The following MYT1L variants were observed in gnomAD, a reference collection of about 807,000 sequenced individuals.
The protein encoded by MYT1L is myelin transcription factor 1 like.
MYT1L carries 12 observed loss-of-function variants against 126.7 expected under a neutral mutation model. That is an observed-to-expected ratio of 0.09 (90% CI 0.06 to 0.15). The LOEUF is 0.15. Among genes scored for constraint, MYT1L ranks in the 10% least tolerant of loss-of-function variants. The pLI, the probability that MYT1L is intolerant of heterozygous loss-of-function variation, is 1.00. For missense variants in MYT1L, 979 were observed against 1,585.2 expected, an observed-to-expected ratio of 0.62 and a Z score of 6.49; for synonymous variants, 541 against 604.2, an observed-to-expected ratio of 0.90 and a Z score of 1.53.
At chr2:1,813,882 C>T (rs1264851732) in intron 21 of MYT1L, among the ~76,000 whole-genome samples, 1 of 106,626 alleles carries the variant, frequency 9.4e-6, no homozygotes, top group Non-Finnish European at 2.0e-5. Context: ...AAAAAATTAG[C>T]CGGGCGTGGT....
intron 14 of MYT1L, among the ~76,000 whole-genome samples, chr2:1,901,273 A>T (rs1341536894): frequency 6.6e-6 from 1 of 152,212 alleles, no homozygotes; most frequent in Non-Finnish European, 1.5e-5. Flanking sequence ...AGAACAACAA[A>T]AAAACAGGTG....
Position 1,903,234 on chromosome 2 carries a change from G to A in MYT1L, c.1878C>T (p.Pro626=). ...IPQYGYRNNV[P]TTTPRSNLAK... ...CCAGGTTGGAACGCGGCGTAGTTGTGGGGACATTGTTTCTGTAGCCATACT... is the reference window on the plus strand; with the variant it reads ...CCAGGTTGGAACGCGGCGTAGTTGTAGGGACATTGTTTCTGTAGCCATACT... Residue 626 remains proline, a synonymous_variant, in exon 14 of 25, where the codon CCC becomes CCT. Transcript: ENST00000647738. 6.2e-7 allele frequency: 1 copy of A among 1,613,906 alleles called. No homozygotes were observed. The highest frequency in any genetic ancestry group is 2.2e-5 in the East Asian group (1 of 44,880).
rs1433559420 is a variant in MYT1L at position 1,801,020 on chromosome 2, G to C, written c.3276+676C>G. Among the ~76,000 whole-genome samples the C allele has an allele frequency of 6.6e-6, 1 of 152,212 alleles. No homozygotes were observed. Among genetic ancestry groups the C allele is most frequent in the Non-Finnish European group, 1.5e-5 (1 of 68,044 alleles). On this transcript the variant is annotated intron_variant, in intron 23 of 24. Transcript: ENST00000647738. This position sits in a 1 kb window ranked among gnomAD's most constrained non-coding sequence, Gnocchi z 4.2. ...TTCGGCGGGACCCTAACACAGCAAG[G>C]TGGGGGATGCCAGGCACAAGGCTCA...
At chr2:1,987,198 G>A (rs2061101030) in intron 5 of MYT1L, among the ~76,000 whole-genome samples, 1 of 152,106 alleles carries the variant, frequency 6.6e-6, no homozygotes, top group South Asian at 2.1e-4. Context: ...ACAGTCTCAT[G>A]GCCAGGGGCT....
intron 1 of MYT1L, among the ~76,000 whole-genome samples, chr2:2,287,164 G>A (rs1037239172): frequency 2.6e-5 from 4 of 152,198 alleles, no homozygotes; most frequent in Non-Finnish European, 5.9e-5. Context: ...GCTGAGGCAG[G>A]AGAATAGCTT....
intron 2 of MYT1L, among the ~76,000 whole-genome samples, chr2:2,234,054 T>A (rs1046366184): frequency 5.3e-5 from 8 of 152,248 alleles, no homozygotes; most frequent in African/African-American, 1.7e-4. Flanking sequence ...ACTATGAAAG[T>A]CTATTCAGTG....
intron 2 of MYT1L, among the ~76,000 whole-genome samples, chr2:2,233,909 G>A (rs1042644263): frequency 6.6e-5 from 10 of 152,148 alleles, no homozygotes; most frequent in African/African-American, 2.4e-4. Context: ...TTTCTTATGG[G>A]GAGTTTGTTT....
At chr2:2,143,919 C>T (rs1354224099) in intron 3 of MYT1L, among the ~76,000 whole-genome samples, 4 of 139,254 alleles carry the variant, frequency 2.9e-5, no homozygotes, top group African/African-American at 1.1e-4. Flanking sequence ...ACCGGATACT[C>T]GTCGGCATAA....
intron 13 of MYT1L, among the ~76,000 whole-genome samples, chr2:1,906,924 A>C (rs2051135396): frequency 6.6e-6 from 1 of 150,552 alleles, no homozygotes; most frequent in South Asian, 2.1e-4. Context: ...CAAAATAATA[A>C]TAATAATAAT....
intron 4 of MYT1L, among the ~76,000 whole-genome samples, chr2:1,997,577 G>C (rs974704937): frequency 6.6e-6 from 1 of 152,208 alleles, no homozygotes; most frequent in Non-Finnish European, 1.5e-5. Flanking sequence ...CTCCTGTTGG[G>C]AGCAAGCCCC....
intron 5 of MYT1L, among the ~76,000 whole-genome samples, chr2:1,990,696 G>A (rs1260745327): frequency 3.3e-5 from 5 of 152,218 alleles, no homozygotes; most frequent in Admixed American, 6.5e-5. Flanking sequence ...AAAGAAGGGA[G>A]CGGCTTGGAG....
At chr2:2,133,040 T>G (rs1443666302) in intron 3 of MYT1L, among the ~76,000 whole-genome samples, 1 of 152,166 alleles carries the variant, frequency 6.6e-6, no homozygotes, top group Non-Finnish European at 1.5e-5. Flanking sequence ...AGAGGTATGC[T>G]TCTCTCCTTA....
intron 3 of MYT1L, among the ~76,000 whole-genome samples, chr2:2,094,467 G>A (rs963293161): frequency 4.0e-4 from 61 of 152,192 alleles, no homozygotes; most frequent in African/African-American, 5.3e-4. Context: ...AAAGACACAC[G>A]CACATGTATG....
intron 2 of MYT1L, among the ~76,000 whole-genome samples, chr2:2,185,229 G>A (rs938841656): frequency 7.2e-5 from 11 of 152,118 alleles, no homozygotes; most frequent in Non-Finnish European, 1.3e-4. Context: ...ACACATTGAA[G>A]GTAAATGGGA....
At chr2:1,796,886 C>G (rs2033648543) in intron 23 of MYT1L, among the ~76,000 whole-genome samples, 1 of 152,170 alleles carries the variant, frequency 6.6e-6, no homozygotes, top group African/African-American at 2.4e-5. Flanking sequence ...TTGCCCAGGC[C>G]GTGCCCTGCA....
chr2:1,795,744 G>A (rs1184977290), intron 23 of MYT1L: 1 of 152,236 alleles, frequency 6.6e-6, no homozygotes, highest in African/African-American at 2.4e-5. Flanking sequence ...GGTGGGTTCT[G>A]TTTTTGATTG....
At position 2,271,823 on chromosome 2, in the gene MYT1L, C is replaced by T. The variant is rs903844015; in HGVS notation, c.-421+12581G>A. 4.6e-5 allele frequency among the ~76,000 whole-genome samples: 7 copies of T among 152,320 alleles called. 1 individual carries two copies. Among genetic ancestry groups the T allele is most frequent in the Middle Eastern group, 6.8e-3 (2 of 294 alleles). ...TGCCCATGACCTCATTCCACCCCAA[C>T]GACATCCTTGGGTTTGAATTTTGGA... On this transcript the variant is annotated intron_variant, in intron 2 of 24. Transcript: ENST00000647738.
In MYT1L at chr2:2,298,997, C is replaced by T. The variant is rs563700400; in HGVS notation, c.-520-14494G>A. Among the ~76,000 whole-genome samples the T allele has an allele frequency of 2.6e-5, 4 of 152,230 alleles. No individual in the cohort carries two copies. In the East Asian group the frequency reaches 5.8e-4, roughly 22 times the overall value. Reference sequence around the variant, plus strand: ...CTTCCCAAGTAGCTGGGACTACAGGCGTGCACCACCACACCTGGCTAATTT... The same window carrying T: ...CTTCCCAAGTAGCTGGGACTACAGGTGTGCACCACCACACCTGGCTAATTT... On this transcript the variant is annotated intron_variant, in intron 1 of 24. Coordinates refer to ENST00000647738, the MANE Select transcript of MYT1L (RefSeq NM_001303052.2).
chr2:1,805,105 C>A (rs941882707), intron 22 of MYT1L, among the ~76,000 whole-genome samples: 6 of 152,020 alleles, frequency 3.9e-5, no homozygotes, highest in Admixed American at 3.9e-4. Flanking sequence ...AGTACTAATG[C>A]GTGATGAGAT....
Sources: allele counts gnomAD v4.1 joint callset (sites outside exome capture counted in the v4.1 genomes callset), GRCh38; gene constraint gnomAD v4.1.1; non-coding constraint Gnocchi (gnomAD v3.1); transcripts MANE v1.5; gene names NCBI Gene and HGNC (gene_info 2026-07-23, HGNC 2026-07-21).